The following TASP1 variants were observed in gnomAD, a reference collection of about 807,000 sequenced individuals.
TASP1 encodes taspase 1, also known as threonine aspartase 1.
TASP1 carries 16 observed loss-of-function variants against 56.6 expected under a neutral mutation model. The observed-to-expected ratio is 0.28, with a 90% CI of 0.19 to 0.43. The LOEUF (loss-of-function observed/expected upper bound fraction) is 0.43, where lower values mean the gene tolerates loss of function less well. Among genes scored for constraint, TASP1 ranks in the 20% least tolerant of loss-of-function variants. TASP1 has a pLI of 1.00. For missense variants in TASP1, 393 were observed against 511.6 expected (o/e 0.77, Z 2.24); for synonymous variants, 179 against 184.2 (o/e 0.97, Z 0.23).
At chr20:13,192,887 C>A in the TASP1 span, among the ~76,000 whole-genome samples, 1 of 151,980 alleles carries the variant, frequency 6.6e-6, no homozygotes, top group African/African-American at 2.4e-5. Context: ...ACAAAAGTAA[C>A]AATGTATTGG....
chr20:13,241,534 G>GCA, the TASP1 span, among the ~76,000 whole-genome samples: 1 of 152,076 alleles, frequency 6.6e-6, no homozygotes, highest in Non-Finnish European at 1.5e-5. Context: ...TGTAACAATT[G>GCA]GGAAGAGAAA....
chr20:13,387,820 A>T (rs558866809), downstream of TASP1, among the ~76,000 whole-genome samples: 38 of 152,354 alleles, frequency 2.5e-4, no homozygotes, highest in African/African-American at 8.7e-4. Context: ...TCAAGTTCAC[A>T]TTTAGACATG....
chr20:13,212,756 C>T, the TASP1 span, among the ~76,000 whole-genome samples: 15,695 of 152,202 alleles, frequency 0.1, 1,119 homozygotes, highest in East Asian at 0.29. Context: ...AAAATAACAA[C>T]CACGCTAAAT....
At chr20:13,140,724 C>A in the TASP1 span, among the ~76,000 whole-genome samples, 1 of 152,032 alleles carries the variant, frequency 6.6e-6, no homozygotes, top group Non-Finnish European at 1.5e-5. Flanking sequence ...ATGTCAAGGT[C>A]TTTTAAGTAA....
chr20:13,295,784 C>T, the TASP1 span, among the ~76,000 whole-genome samples: 6 of 152,194 alleles, frequency 3.9e-5, no homozygotes, highest in African/African-American at 9.7e-5. Context: ...AGTCGCTTGT[C>T]GGGCGGTTCC....
chr20:13,463,593 T>C (rs1197032006), intron 11 of TASP1, among the ~76,000 whole-genome samples: 1 of 152,130 alleles, frequency 6.6e-6, no homozygotes, highest in African/African-American at 2.4e-5. Context: ...AGAAAATATC[T>C]GTAAATCACA....
intron 4 of TASP1, chr20:13,614,790 T>C (rs1465994829): frequency 1.1e-5 from 5 of 469,058 alleles, no homozygotes; most frequent in African/African-American, 6.0e-5. Context: ...GAAATAGTTT[T>C]AAACTTTGTT....
chr20:13,445,923 T>C (rs2043393560), intron 11 of TASP1, among the ~76,000 whole-genome samples: 1 of 152,168 alleles, frequency 6.6e-6, no homozygotes, highest in East Asian at 1.9e-4. Context: ...ATTCAACAAA[T>C]ATTTCATATT....
intron 13 of TASP1, among the ~76,000 whole-genome samples, chr20:13,413,092 T>C (rs748929956): frequency 2.0e-5 from 3 of 152,150 alleles, no homozygotes; most frequent in African/African-American, 4.8e-5. Context: ...CCAATACTTA[T>C]TTATTTTAAC....
At chr20:13,504,435 C>G (rs953228272) in intron 10 of TASP1, among the ~76,000 whole-genome samples, 1 of 151,992 alleles carries the variant, frequency 6.6e-6, no homozygotes, top group Admixed American at 6.6e-5. Flanking sequence ...AGTTCACCAT[C>G]ATTAAACTTG....
chr20:13,604,912 C>T (rs6033771), intron 4 of TASP1, among the ~76,000 whole-genome samples: 1 of 150,956 alleles, frequency 6.6e-6, no homozygotes, highest in African/African-American at 2.4e-5. Context: ...AATTCTATTC[C>T]TAAGAATTTT....
chr20:13,615,502 GT>G lies in TASP1; in HGVS notation c.282+7943del, dbSNP rs756677945. Among the ~76,000 whole-genome samples the G allele has an allele frequency of 3.7e-3, 490 of 132,230 alleles. 1 individual carries two copies. The highest frequency in any genetic ancestry group is 0.016 in the Middle Eastern group (4 of 258). 86.7% of individuals were successfully genotyped at this position (132,230 alleles called of 152,430 possible). On this transcript the variant is annotated intron_variant, in intron 4 of 13. Coordinates refer to ENST00000337743, the MANE Select transcript of TASP1 (RefSeq NM_017714.3). ...GATTTAGAATCTTGATGAGAATCTG[GT>G]TTTTTTTTTTTTTTTTTTTGAGACA...
chr20:13,250,514 C>G, the TASP1 span, among the ~76,000 whole-genome samples: 2 of 152,160 alleles, frequency 1.3e-5, no homozygotes, highest in Non-Finnish European at 2.9e-5. Flanking sequence ...TTAAGCATGC[C>G]AGGCAGCTTC....
At chr20:13,234,937 C>T in the TASP1 span, among the ~76,000 whole-genome samples, 1 of 152,084 alleles carries the variant, frequency 6.6e-6, no homozygotes, top group Non-Finnish European at 1.5e-5. Flanking sequence ...TGACAAGGTC[C>T]CCAGATTAAT....
chr20:13,632,387 GA>G (rs1461135633), intron 1 of TASP1, among the ~76,000 whole-genome samples: 2 of 148,226 alleles, frequency 1.3e-5, no homozygotes, highest in African/African-American at 2.5e-5. Context: ...AAAGAAAAAA[GA>G]AAAAAAGAAA....
chr20:13,384,081 T>C, the TASP1 span, among the ~76,000 whole-genome samples: 1 of 152,336 alleles, frequency 6.6e-6, no homozygotes, highest in African/African-American at 2.4e-5. Flanking sequence ...ATCCTCTACC[T>C]CTTAAGCATT....
intron 11 of TASP1, among the ~76,000 whole-genome samples, chr20:13,446,206 T>C (rs748855067): frequency 6.6e-6 from 1 of 151,938 alleles, no homozygotes; most frequent in Admixed American, 6.6e-5. Flanking sequence ...ACAAACAACA[T>C]AGGTACTGGA....
chr20:13,293,726 C>A, the TASP1 span, among the ~76,000 whole-genome samples: 1 of 152,164 alleles, frequency 6.6e-6, no homozygotes, highest in Non-Finnish European at 1.5e-5. Context: ...GTAATCCCAG[C>A]ACTTTGGGAG....
At chr20:13,111,982 C>T in the TASP1 span, among the ~76,000 whole-genome samples, 3 of 152,182 alleles carry the variant, frequency 2.0e-5, no homozygotes, top group Non-Finnish European at 4.4e-5. Flanking sequence ...GACAAGGGAC[C>T]CAGGTGTGGA....
Sources: gnomAD v4.1 joint callset for allele counts (sites outside exome capture counted in the v4.1 genomes callset) on GRCh38, gnomAD v4.1.1 for gene constraint, MANE v1.5 for transcripts, NCBI Gene and HGNC (gene_info 2026-07-23, HGNC 2026-07-21) for gene names.